The following CELF2 variants were observed in gnomAD, a reference collection of about 807,000 sequenced individuals.
CELF2 encodes the protein CUG triplet repeat RNA-binding protein 2.
In CELF2, 8 loss-of-function variants were observed where a neutral mutation model predicts 62.6. That is an observed-to-expected ratio of 0.13 (90% CI 0.07 to 0.23). The LOEUF (loss-of-function observed/expected upper bound fraction) is 0.23. Among genes scored for constraint, CELF2 ranks in the 10% least tolerant of loss-of-function variants. The probability of loss-of-function intolerance (pLI) is 1.00; values close to 1 mark genes in which losing one functional copy is unlikely to be tolerated. For synonymous variants in CELF2, 258 were observed against 250.0 expected (o/e 1.03, Z -0.30); for missense variants, 333 against 671.0 (o/e 0.50, Z 5.56).
chr10:10,738,544 C>T, the CELF2 span, among the ~76,000 whole-genome samples: 2 of 152,150 alleles, frequency 1.3e-5, no homozygotes, highest in South Asian at 4.1e-4. Flanking sequence ...CTCCGCAAGC[C>T]TCACCACCCC....
chr10:10,909,614 CA>C (rs1423800492), intron 1 of CELF2, among the ~76,000 whole-genome samples: 1 of 152,184 alleles, frequency 6.6e-6, no homozygotes, highest in African/African-American at 2.4e-5. Context: ...ATCTCTAAGA[CA>C]AAAATCTTCT....
At chr10:11,298,763 A>G (rs1302834213) in intron 9 of CELF2, among the ~76,000 whole-genome samples, 1 of 152,210 alleles carries the variant, frequency 6.6e-6, no homozygotes, top group Non-Finnish European at 1.5e-5. Flanking sequence ...TTTAAGTATC[A>G]TATATGGGAA....
At chr10:10,695,193 G>A in the CELF2 span, among the ~76,000 whole-genome samples, 2 of 147,734 alleles carry the variant, frequency 1.4e-5, no homozygotes, top group Non-Finnish European at 3.0e-5. Context: ...CTCTTTTAGG[G>A]CAGGCCTGGT....
rs148536874 is a variant in CELF2 at position 10,979,104 on chromosome 10, C to T, written c.89+59105C>T. 3.7e-3 allele frequency among the ~76,000 whole-genome samples: 564 copies of T among 152,262 alleles called. 6 individuals are homozygous for T. Among genetic ancestry groups the T allele is most frequent in the African/African-American group, 0.013 (534 of 41,556 alleles). On this transcript the variant is annotated intron_variant, in intron 2 of 13. Transcript: ENST00000636488. ...ATTCTCTGCCCCCAGGTTTGGCCACCATTTTCCAGGAGAGAAAGTGATTGA... is the reference window on the plus strand; with the variant it reads ...ATTCTCTGCCCCCAGGTTTGGCCACTATTTTCCAGGAGAGAAAGTGATTGA...
At chr10:11,264,803 T>C (rs2138276055) in intron 5 of CELF2, among the ~76,000 whole-genome samples, 1 of 152,290 alleles carries the variant, frequency 6.6e-6, no homozygotes, top group East Asian at 1.9e-4. Context: ...TTAGTACAGG[T>C]AGCGTGTTCA....
chr10:10,623,590 G>C, the CELF2 span, among the ~76,000 whole-genome samples: 4,027 of 152,210 alleles, frequency 0.026, 168 homozygotes, highest in African/African-American at 0.091. Context: ...TGCTTTAGTA[G>C]CTTCCAGTAC....
At chr10:10,988,769 C>A (rs531937615) in intron 2 of CELF2, among the ~76,000 whole-genome samples, 1 of 152,216 alleles carries the variant, frequency 6.6e-6, no homozygotes, top group East Asian at 1.9e-4. Context: ...AGACAGCTAT[C>A]TTAAACCGAT....
the CELF2 span, among the ~76,000 whole-genome samples, chr10:10,773,939 T>C: frequency 6.6e-6 from 1 of 152,314 alleles, no homozygotes; most frequent in South Asian, 2.1e-4. Flanking sequence ...AGCGACAGGT[T>C]CATCATTATC....
the CELF2 span, among the ~76,000 whole-genome samples, chr10:10,761,309 A>G: frequency 6.6e-6 from 1 of 152,200 alleles, no homozygotes; most frequent in South Asian, 2.1e-4. Context: ...TGAGGAAGAA[A>G]TAAATTTGAA....
rs2096039204 is a variant in CELF2 at position 11,332,201 on chromosome 10, T to C, written c.*3148T>C. The C allele has an allele frequency of 6.6e-6, 1 of 152,240 alleles. No homozygotes were observed. The highest frequency in any genetic ancestry group is 2.1e-4 in the South Asian group (1 of 4,834). 9.4% of individuals were successfully genotyped at this position (152,240 alleles called of 1,614,324 possible). ...CAGCACCTAACAATCCTGTATGCTT[T>C]TGAGATCACGTTTAGTGCTATGTCC... is the stretch of plus-strand genomic sequence containing the variant. On this transcript the variant is annotated 3_prime_UTR_variant, in exon 13 of 13. Transcript: ENST00000633077.
At position 11,268,781 on chromosome 10, in the gene CELF2, T is replaced by A. The variant is rs764578807; in HGVS notation, c.619-1885T>A. On this transcript the variant is annotated intron_variant, in intron 6 of 12. Transcript: ENST00000633077. The surrounding 1 kb of genome is among the most constrained non-coding windows in gnomAD (Gnocchi z 4.7). ...TTGTTTGACTAACGTTGTTTATTTT[T>A]AACTAATTATATTATTTCCAGGACT... Among the ~76,000 whole-genome samples the A allele has an allele frequency of 2.0e-5, 3 of 152,212 alleles. No homozygotes were observed. Among genetic ancestry groups the A allele is most frequent in the Non-Finnish European group, 4.4e-5 (3 of 68,042 alleles).
chr10:11,273,277 G>A (rs2084556366), intron 7 of CELF2, among the ~76,000 whole-genome samples: 1 of 152,028 alleles, frequency 6.6e-6, no homozygotes, highest in African/African-American at 2.4e-5. Context: ...AGCAGGAGAG[G>A]AGCGGCAGGC....
At chr10:11,135,054 G>C (rs2060217244) in intron 1 of CELF2, among the ~76,000 whole-genome samples, 1 of 152,110 alleles carries the variant, frequency 6.6e-6, no homozygotes. Context: ...CTTGTAGATG[G>C]GTGTTAGGTT....
chr10:11,153,269 G>A (rs1316356644), intron 1 of CELF2, among the ~76,000 whole-genome samples: 1 of 152,028 alleles, frequency 6.6e-6, no homozygotes, highest in Non-Finnish European at 1.5e-5. Flanking sequence ...TTTTTTGACA[G>A]GTTATACATA....
At chr10:10,638,341 G>A in the CELF2 span, among the ~76,000 whole-genome samples, 1 of 150,282 alleles carries the variant, frequency 6.7e-6, no homozygotes, top group Non-Finnish European at 1.5e-5. Context: ...ATTCCTACAT[G>A]AACCCACTCA....
intron 2 of CELF2, among the ~76,000 whole-genome samples, chr10:11,197,769 C>G (rs2058329248): frequency 6.6e-6 from 1 of 152,236 alleles, no homozygotes; most frequent in African/African-American, 2.4e-5. Flanking sequence ...AAAATCTGTT[C>G]TGTCTCCTCA....
the CELF2 span, among the ~76,000 whole-genome samples, chr10:10,694,402 T>C: frequency 6.6e-6 from 1 of 151,646 alleles, no homozygotes; most frequent in Non-Finnish European, 1.5e-5. Context: ...TCTGTTCTTT[T>C]ACATTTGCTG....
chr10:10,604,812 A>T, the CELF2 span, among the ~76,000 whole-genome samples: 1 of 152,202 alleles, frequency 6.6e-6, no homozygotes. Context: ...AATACTTTTG[A>T]TGTCTGTTCT....
chr10:10,749,056 G>A, the CELF2 span, among the ~76,000 whole-genome samples: 40 of 152,286 alleles, frequency 2.6e-4, no homozygotes, highest in East Asian at 5.2e-3. Flanking sequence ...TTTGCTTTAC[G>A]GGAGATTCGT....
Sources: gnomAD v4.1 joint callset for allele counts (sites outside exome capture counted in the v4.1 genomes callset) on GRCh38, gnomAD v4.1.1 for gene constraint, Gnocchi (gnomAD v3.1) non-coding constraint, MANE v1.5 for transcripts, NCBI Gene and HGNC (gene_info 2026-07-23, HGNC 2026-07-21) for gene names.